The following PELI2 variants were observed in gnomAD, a reference collection of about 807,000 sequenced individuals.
PELI2 encodes the protein pellino E3 ubiquitin protein ligase family member 2.
Under a neutral mutation model 42.3 loss-of-function variants are expected in PELI2, and 23 were observed. The observed-to-expected ratio is 0.54, with a 90% CI of 0.39 to 0.77. PELI2 has a LOEUF of 0.77. Among genes scored for constraint, PELI2 ranks in the 30% least tolerant of loss-of-function variants. The pLI is 0.00. For missense variants in PELI2, 463 were observed against 553.2 expected, an observed-to-expected ratio of 0.84 and a Z score of 1.64; for synonymous variants, 245 against 212.2, an observed-to-expected ratio of 1.15 and a Z score of -1.34.
In PELI2 at chr14:56,244,284, T is replaced by C. The variant is rs181194670; in HGVS notation, c.208-35392T>C. Among the ~76,000 whole-genome samples, 338 of 152,340 alleles carry C rather than the reference T, an allele frequency of 2.2e-3. 1 individual carries two copies. Among genetic ancestry groups the C allele is most frequent in the Middle Eastern group, 0.014 (4 of 294 alleles). ...AGGAACAAGCTTTTGGCAAAATCGT[T>C]GATCAAATACTGCTGTTGCATGTGA... On this transcript the variant is annotated intron_variant, in intron 2 of 5. Coordinates refer to ENST00000267460, the MANE Select transcript of PELI2 (RefSeq NM_021255.3).
intron 2 of PELI2, among the ~76,000 whole-genome samples, chr14:56,232,653 T>C (rs1468094588): frequency 1.3e-5 from 2 of 151,544 alleles, no homozygotes; most frequent in Non-Finnish European, 2.9e-5. Context: ...GCCAGTATCA[T>C]ACTGAATGGG....
rs1253746951 is a variant in PELI2, at chr14:56,197,369, C to T, written c.207+18905C>T. ...GCATATTCTAAGACTCTGAGGCAGG[C>T]TTGAGGGCTGGTTAGTGGGGAGTTG... On this transcript the variant is annotated intron_variant, in intron 2 of 5. Coordinates refer to ENST00000267460, the MANE Select transcript of PELI2 (RefSeq NM_021255.3). This position sits in a 1 kb window ranked among gnomAD's most constrained non-coding sequence, Gnocchi z 4.9. Among the ~76,000 whole-genome samples, 3 of 152,058 alleles carry T rather than the reference C, an allele frequency of 2.0e-5. No individual in the cohort carries two copies. The highest frequency in any genetic ancestry group is 4.4e-5 in the Non-Finnish European group (3 of 68,014).
intron 1 of PELI2, among the ~76,000 whole-genome samples, chr14:56,168,999 C>T (rs1279191868): frequency 6.6e-6 from 1 of 152,072 alleles, no homozygotes; most frequent in East Asian, 1.9e-4. Context: ...ATGGGGACCT[C>T]ATGACTCTGA....
At chr14:56,149,978 T>A (rs536940707) in intron 1 of PELI2, among the ~76,000 whole-genome samples, 11 of 152,318 alleles carry the variant, frequency 7.2e-5, no homozygotes, top group Admixed American at 2.0e-4. Context: ...TCCAGCTACC[T>A]AGTGGATGGG....
intron 2 of PELI2, among the ~76,000 whole-genome samples, chr14:56,206,573 T>C (rs78387187): frequency 0.12 from 18,002 of 152,288 alleles, 1,341 homozygotes; most frequent in Middle Eastern, 0.17. Context: ...TTTGTTTTTC[T>C]AATGGTTCTA....
rs563918198 is a variant in PELI2, at chr14:56,133,056, T to C, written c.77+14319T>C. Among the ~76,000 whole-genome samples the C allele has an allele frequency of 4.6e-5, 7 of 152,324 alleles. No homozygotes were observed. The East Asian group carries it at 1.2e-3, about 25-fold the overall frequency. ...TTGGAAGAAAAATTTTTCCAAATTT[T>C]GGAAAAATCCTCATTTTTCTTTAAT... On this transcript the variant is annotated intron_variant, in intron 1 of 5. Transcript: ENST00000267460.
At chr14:56,275,666 A>G (rs1889265912) in intron 2 of PELI2, among the ~76,000 whole-genome samples, 1 of 152,146 alleles carries the variant, frequency 6.6e-6, no homozygotes, top group African/African-American at 2.4e-5. Flanking sequence ...AGCAATGGGG[A>G]GCAGCTGTAA....
chr14:56,174,363 A>T (rs1885293949), intron 1 of PELI2, among the ~76,000 whole-genome samples: 1 of 152,174 alleles, frequency 6.6e-6, no homozygotes, highest in African/African-American at 2.4e-5. Flanking sequence ...TGATTACTTT[A>T]TATTTCCAGT....
At chr14:56,284,518 A>G (rs1372335257) in intron 3 of PELI2, among the ~76,000 whole-genome samples, 1 of 152,176 alleles carries the variant, frequency 6.6e-6, no homozygotes, top group Non-Finnish European at 1.5e-5. Flanking sequence ...TACAAGGCCT[A>G]ACAGTTTTGG....
At chr14:56,183,730 A>G (rs1436679643) in intron 2 of PELI2, among the ~76,000 whole-genome samples, 1 of 152,180 alleles carries the variant, frequency 6.6e-6, no homozygotes, top group East Asian at 1.9e-4. Flanking sequence ...GACTTCAAAG[A>G]CAGTGTGATG....
Position 56,251,219 on chromosome 14 carries a change from A to G in PELI2, c.208-28457A>G, listed in dbSNP as rs149381103. Among the ~76,000 whole-genome samples, 917 of 152,342 alleles carry G rather than the reference A, an allele frequency of 6.0e-3. 10 individuals are homozygous for G. Among genetic ancestry groups the G allele is most frequent in the African/African-American group, 0.02 (837 of 41,584 alleles). On this transcript the variant is annotated intron_variant, in intron 2 of 5. Coordinates refer to ENST00000267460, the MANE Select transcript of PELI2 (RefSeq NM_021255.3). ...AGCAGGAGCTCAGCCTGGGAGGGCCATCGGCAGAGGCTCCTTCAGAGCCAA... is the reference window on the plus strand; with the variant it reads ...AGCAGGAGCTCAGCCTGGGAGGGCCGTCGGCAGAGGCTCCTTCAGAGCCAA...
At chr14:56,291,758 A>T (rs1042545320) in intron 5 of PELI2, among the ~76,000 whole-genome samples, 5 of 152,252 alleles carry the variant, frequency 3.3e-5, no homozygotes, top group Non-Finnish European at 7.3e-5. Context: ...AGCTCACTTC[A>T]TCTGCACAGC....
chr14:56,242,326 G>C (rs1888003652), intron 2 of PELI2, among the ~76,000 whole-genome samples: 1 of 152,198 alleles, frequency 6.6e-6, no homozygotes, highest in African/African-American at 2.4e-5. Context: ...TCGTAGCCAT[G>C]AAAACAGTGA....
At chr14:56,244,610 T>TC in intron 2 of PELI2, among the ~76,000 whole-genome samples, 1 of 152,284 alleles carries the variant, frequency 6.6e-6, no homozygotes, top group East Asian at 1.9e-4. Context: ...CTAATGCTCA[T>TC]CCTCCCTCCA....
chr14:56,239,671 G>T (rs1887908598), intron 2 of PELI2, among the ~76,000 whole-genome samples: 1 of 152,108 alleles, frequency 6.6e-6, no homozygotes, highest in South Asian at 2.1e-4. Flanking sequence ...TGGAGCCCAG[G>T]TCTTCTGAGT....
intron 2 of PELI2, among the ~76,000 whole-genome samples, chr14:56,247,826 A>T: frequency 6.6e-6 from 1 of 152,130 alleles, no homozygotes; most frequent in Non-Finnish European, 1.5e-5. Flanking sequence ...AGATGCCTTC[A>T]TGGAATCTTG....
At chr14:56,134,451 A>G (rs1012912101) in intron 1 of PELI2, among the ~76,000 whole-genome samples, 3 of 152,098 alleles carry the variant, frequency 2.0e-5, no homozygotes, top group African/African-American at 4.8e-5. Flanking sequence ...TGGCTTTTGT[A>G]TTTATATGCT....
chr14:56,242,863 A>G (rs1434300251), intron 2 of PELI2, among the ~76,000 whole-genome samples: 2 of 152,152 alleles, frequency 1.3e-5, no homozygotes, highest in African/African-American at 2.4e-5. Context: ...GGAAGAGAGA[A>G]AGGGAGTGAA....
At chr14:56,132,613 C>T (rs1025214061) in intron 1 of PELI2, among the ~76,000 whole-genome samples, 6 of 152,078 alleles carry the variant, frequency 3.9e-5, no homozygotes, top group African/African-American at 1.4e-4. Context: ...GGTGCCTGCC[C>T]CTGTTTTTCC....
Sources: allele counts gnomAD v4.1 joint callset (sites outside exome capture counted in the v4.1 genomes callset), GRCh38; gene constraint gnomAD v4.1.1; non-coding constraint Gnocchi (gnomAD v3.1); transcripts MANE v1.5; gene names NCBI Gene and HGNC (gene_info 2026-07-23, HGNC 2026-07-21).